The following EVL variants were observed in gnomAD, a reference collection of about 807,000 sequenced individuals.
EVL encodes ena/VASP-like protein.
EVL carries 21 observed loss-of-function variants against 59.6 expected under a neutral mutation model. The ratio of observed to expected loss-of-function variants is 0.35; its 90% confidence interval spans 0.25 to 0.51. The LOEUF (loss-of-function observed/expected upper bound fraction) is 0.51, where lower values mean the gene tolerates loss of function less well. Among genes scored for constraint, EVL ranks in the 20% least tolerant of loss-of-function variants. The pLI is 0.97. For missense variants in EVL, 462 were observed against 546.6 expected, an observed-to-expected ratio of 0.85 and a Z score of 1.54; for synonymous variants, 198 against 203.5, an observed-to-expected ratio of 0.97 and a Z score of 0.23.
intron 2 of EVL, among the ~76,000 whole-genome samples, chr14:100,092,940 T>C (rs545713460): frequency 6.6e-6 from 1 of 152,248 alleles, no homozygotes; most frequent in African/African-American, 2.4e-5. Flanking sequence ...TCTCTACAAG[T>C]GAGTGTTGGG....
chr14:99,974,768 A>C (rs2060758421), intron 1 of EVL: 1 of 152,344 alleles, frequency 6.6e-6, no homozygotes, highest in South Asian at 2.1e-4. Flanking sequence ...ACCGTCTTGG[A>C]GCATTTAACA....
rs970023069 is a variant in EVL, at chr14:100,075,417, G to A, written c.12-9270G>A. On this transcript the variant is annotated intron_variant, in intron 1 of 13. Transcript: ENST00000392920. The stretch of plus-strand genomic sequence containing the variant: ...CTTTTAAGATTCACTTTTGTTGCTT[G>A]TATGTTGAAGGTAAACAAGTCAGGA... 2.0e-5 allele frequency among the ~76,000 whole-genome samples: 3 copies of A among 152,228 alleles called. No homozygotes were observed. In the East Asian group the frequency reaches 5.8e-4, roughly 29 times the overall value.
chr14:100,045,917 G>A (rs1200069641), intron 1 of EVL, among the ~76,000 whole-genome samples: 1 of 152,150 alleles, frequency 6.6e-6, no homozygotes, highest in Non-Finnish European at 1.5e-5. Context: ...GCCGTGTCCT[G>A]CATCTCATGA....
At chr14:100,100,183 C>T (rs1368920792) in intron 3 of EVL, among the ~76,000 whole-genome samples, 1 of 152,078 alleles carries the variant, frequency 6.6e-6, no homozygotes, top group Admixed American at 6.5e-5. Context: ...TAGTAAGATC[C>T]AGAACCCGAC....
intron 3 of EVL, 98 bp downstream of exon 3, chr14:100,097,756 C>T (rs1885920059): frequency 8.9e-7 from 1 of 1,129,666 alleles, no homozygotes; most frequent in Non-Finnish European, 1.2e-6. Context: ...AGCACTGTCA[C>T]TGCATTGAGC....
intron 1 of EVL, among the ~76,000 whole-genome samples, chr14:100,069,245 T>C (rs1595126379): frequency 6.6e-6 from 1 of 152,178 alleles, no homozygotes; most frequent in East Asian, 1.9e-4. Context: ...TGGTGTGGCA[T>C]GTTAGAGAAG....
chr14:100,029,413 A>G lies in EVL; in HGVS notation c.6-55274A>G, dbSNP rs115009090. 6.2e-3 allele frequency among the ~76,000 whole-genome samples: 940 copies of G among 152,322 alleles called. 11 individuals carry two copies. Among genetic ancestry groups the G allele is most frequent in the African/African-American group, 0.022 (902 of 41,564 alleles). ...AACCATTCATTGAACAAATACTTCC[A>G]GAACATCTACTCAATATAAGCCACA... On this transcript the variant is annotated intron_variant, in intron 1 of 13. Transcript: ENST00000402714.
At chr14:99,985,680 T>C (rs1245930268) in intron 1 of EVL, among the ~76,000 whole-genome samples, 4 of 151,776 alleles carry the variant, frequency 2.6e-5, no homozygotes, top group Non-Finnish European at 4.4e-5. Context: ...GGCAGAAGAA[T>C]CGCTTGAACC....
chr14:100,061,596 G>GAAC (rs1337071194), upstream of EVL, among the ~76,000 whole-genome samples: 27 of 151,810 alleles, frequency 1.8e-4, no homozygotes, highest in Admixed American at 1.8e-3. Context: ...CACATGACTT[G>GAAC]AACAATCCCG....
chr14:100,081,513 CAAAAAAAA>C (rs34871876), intron 1 of EVL, among the ~76,000 whole-genome samples: 2 of 122,426 alleles, frequency 1.6e-5, no homozygotes, highest in Non-Finnish European at 3.5e-5. Context: ...TTAACAACAG[CAAAAAAAA>C]AAAAAAAAAA....
At chr14:99,975,241 T>G (rs1423746930) in intron 1 of EVL, 1 of 152,296 alleles carries the variant, frequency 6.6e-6, no homozygotes, top group Non-Finnish European at 1.5e-5. Flanking sequence ...GTCAGTCTCT[T>G]GTTCCTTTGA....
At chr14:99,996,800 T>A (rs1446312109) in intron 1 of EVL, among the ~76,000 whole-genome samples, 1 of 152,166 alleles carries the variant, frequency 6.6e-6, no homozygotes, top group African/African-American at 2.4e-5. Flanking sequence ...TATAGGCACA[T>A]GCCACCGTGT....
intron 1 of EVL, among the ~76,000 whole-genome samples, chr14:100,032,013 C>T (rs1439210705): frequency 3.9e-5 from 6 of 152,242 alleles, no homozygotes; most frequent in Admixed American, 3.3e-4. Context: ...ATTCATTTTT[C>T]ACTGTATCTG....
intron 1 of EVL, among the ~76,000 whole-genome samples, chr14:100,029,762 GA>G (rs1426580600): frequency 2.0e-5 from 3 of 152,136 alleles, no homozygotes; most frequent in Admixed American, 1.3e-4. Flanking sequence ...GGAACAGGGG[GA>G]CAGTGTGCTC....
intron 1 of EVL, among the ~76,000 whole-genome samples, chr14:99,983,273 A>G (rs1243205666): frequency 1.3e-5 from 2 of 152,222 alleles, no homozygotes; most frequent in Non-Finnish European, 2.9e-5. Context: ...AAGATAAAAC[A>G]GGAGACATAA....
At chr14:99,985,475 T>C (rs2060833973) in intron 1 of EVL, among the ~76,000 whole-genome samples, 1 of 151,984 alleles carries the variant, frequency 6.6e-6, no homozygotes, top group Admixed American at 6.6e-5. Flanking sequence ...TGGTTAAAAG[T>C]CCTTGGTCTT....
At chr14:100,088,635 A>G (rs1015144928) in intron 2 of EVL, among the ~76,000 whole-genome samples, 4 of 152,174 alleles carry the variant, frequency 2.6e-5, no homozygotes, top group Admixed American at 2.6e-4. Flanking sequence ...ATACCGTACT[A>G]TAGTCTTATG....
chr14:100,126,402 G>A (rs1020587608), intron 4 of EVL, among the ~76,000 whole-genome samples: 3 of 152,188 alleles, frequency 2.0e-5, no homozygotes, highest in Admixed American at 6.5e-5. Flanking sequence ...AGCCAGGTGC[G>A]CCCATCTAGC....
At chr14:100,051,311 G>C (rs2061644318) in intron 1 of EVL, among the ~76,000 whole-genome samples, 2 of 152,098 alleles carry the variant, frequency 1.3e-5, no homozygotes, top group African/African-American at 4.8e-5. Flanking sequence ...TCACTTGGCA[G>C]CTGTCTCAGT....
Sources: gnomAD v4.1 joint callset for allele counts (sites outside exome capture counted in the v4.1 genomes callset) on GRCh38, gnomAD v4.1.1 for gene constraint, MANE v1.5 for transcripts, NCBI Gene and HGNC (gene_info 2026-07-23, HGNC 2026-07-21) for gene names.